FRMD4B: variants seen among roughly 807,000 people sequenced by gnomAD.
The protein encoded by FRMD4B is FERM domain containing 4B.
A neutral mutation model predicts 141.5 loss-of-function variants in FRMD4B; 74 were observed. The observed-to-expected ratio is 0.52, with a 90% CI of 0.43 to 0.63. The LOEUF (loss-of-function observed/expected upper bound fraction) is 0.63. Ranked by LOEUF, FRMD4B falls within the 30% of genes least tolerant of loss-of-function variation. The probability of loss-of-function intolerance (pLI) is 0.00; values close to 1 mark genes in which losing one functional copy is unlikely to be tolerated. For missense variants in FRMD4B, 1,366 were observed against 1,253.4 expected, an observed-to-expected ratio of 1.09 and a Z score of -1.36; for synonymous variants, 506 against 467.9, an observed-to-expected ratio of 1.08 and a Z score of -1.05.
chr3:69,277,786 T>A (rs2093625121), intron 5 of FRMD4B, among the ~76,000 whole-genome samples: 2 of 152,110 alleles, frequency 1.3e-5, no homozygotes, highest in Non-Finnish European at 2.9e-5. Context: ...TGCCTTGGCC[T>A]CCCAAAGTGA....
At chr3:69,267,790 G>A (rs975800230) in intron 5 of FRMD4B, among the ~76,000 whole-genome samples, 2 of 149,124 alleles carry the variant, frequency 1.3e-5, no homozygotes, top group Non-Finnish European at 2.9e-5. Context: ...GCACCACCAT[G>A]CCTGGCTAAT....
chr3:69,185,291 A>G (rs2092753346), intron 19 of FRMD4B, among the ~76,000 whole-genome samples: 1 of 141,084 alleles, frequency 7.1e-6, no homozygotes, highest in African/African-American at 2.7e-5. Flanking sequence ...GCAGAGTGAG[A>G]CTCCGTCTCA....
intron 5 of FRMD4B, among the ~76,000 whole-genome samples, chr3:69,287,429 G>T (rs1700723377): frequency 6.6e-6 from 1 of 152,088 alleles, no homozygotes; most frequent in South Asian, 2.1e-4. Flanking sequence ...AAGATTTCTG[G>T]CCTAGACGTT....
rs533346480 is a variant in FRMD4B at position 69,465,980 on chromosome 3, A to G, written c.-128-33219T>C. ...AGGAATTGCCACACTGTCTTCCACAAATAGTTGAACTAATTTGCATTCCCA... is the reference window on the plus strand; with the variant it reads ...AGGAATTGCCACACTGTCTTCCACAGATAGTTGAACTAATTTGCATTCCCA... On this transcript the variant is annotated intron_variant, in intron 1 of 5. Coordinates refer to the FRMD4B transcript ENST00000459638. 6.6e-5 allele frequency among the ~76,000 whole-genome samples: 10 copies of G among 152,328 alleles called. No individual in the cohort carries two copies. The South Asian group carries it at 2.1e-3, about 32-fold the overall frequency.
chr3:69,184,593 T>C (rs72930208), intron 19 of FRMD4B, among the ~76,000 whole-genome samples: 8,013 of 152,296 alleles, frequency 0.053, 594 homozygotes, highest in East Asian at 0.28. Flanking sequence ...CTAAGTGAAA[T>C]TGCTGGATAA....
intron 1 of FRMD4B, among the ~76,000 whole-genome samples, chr3:69,338,271 T>C (rs113513359): frequency 0.026 from 3,957 of 152,106 alleles, 195 homozygotes; most frequent in African/African-American, 0.091. Flanking sequence ...AACTCATGGA[T>C]GCAGAACGGG....
chr3:69,222,275 G>A (rs1387398804), intron 8 of FRMD4B, among the ~76,000 whole-genome samples: 1 of 151,850 alleles, frequency 6.6e-6, no homozygotes, highest in Non-Finnish European at 1.5e-5. Context: ...AGACCATTCT[G>A]GCTAACACAG....
chr3:69,188,026 G>A (rs2092789103), intron 18 of FRMD4B, 109 bp from the exon 19 acceptor site: 1 of 659,178 alleles, frequency 1.5e-6, no homozygotes, highest in African/African-American at 1.9e-5. Flanking sequence ...TGAACAAAGT[G>A]TTCTTCCAAA....
chr3:69,450,786 C>T (rs1345426406), intron 1 of FRMD4B, among the ~76,000 whole-genome samples: 2 of 67,674 alleles, frequency 3.0e-5, no homozygotes, highest in Non-Finnish European at 3.1e-5. Context: ...AAAACCCCAA[C>T]AACAAAACAA....
rs186662161 is a variant in FRMD4B at position 69,532,044 on chromosome 3, A to G, written c.-129+10162T>C. 4.8e-3 allele frequency among the ~76,000 whole-genome samples: 732 copies of G among 152,314 alleles called. 5 individuals carry two copies. The highest frequency in any genetic ancestry group is 8.2e-3 in the Non-Finnish European group (556 of 68,034). On this transcript the variant is annotated intron_variant, in intron 1 of 5. Transcript: ENST00000459638. The stretch of plus-strand genomic sequence containing the variant: ...AGCAAATGACCATGATATGTCCTCA[A>G]TTTAAGTCTTACAGCCCAACTGGGA...
chr3:69,224,640 T>A lies in FRMD4B; in HGVS notation c.632A>T (p.Lys211Ile). Reference protein sequence around the residue: ...DLKTLPAFPTKTLQEHPSLAY... With the variant: ...DLKTLPAFPTITLQEHPSLAY... ...AAGGGATGGATGCTCCTGAAGAGTT[T>A]TGGTTGGAAAGGCTGGTAATGTCTT... Residue 211 changes from lysine to isoleucine, a missense_variant, in exon 8 of 23, where the codon AAA becomes ATA. Lys to Ile is a moderately radical substitution (Grantham distance 102). Coordinates refer to ENST00000398540, the MANE Select transcript of FRMD4B (RefSeq NM_015123.3). The A allele has an allele frequency of 1.9e-6, 3 of 1,588,092 alleles. No homozygotes were observed. Among genetic ancestry groups the A allele is most frequent in the Non-Finnish European group, 2.6e-6 (3 of 1,161,402 alleles).
At chr3:69,274,867 A>T (rs764424511) in intron 5 of FRMD4B, among the ~76,000 whole-genome samples, 9 of 152,172 alleles carry the variant, frequency 5.9e-5, no homozygotes, top group South Asian at 2.1e-4. Context: ...CCATTCAATA[A>T]CGTTTTATCT....
At position 69,267,366 on chromosome 3, in the gene FRMD4B, G is replaced by C. The variant is rs1294767668; in HGVS notation, c.502-17267C>G. ...AATGTGTGACCCTGAATTGGCTCTA[G>C]GACCAGAAAAGGGTGGGAAAGACTA... On this transcript the variant is annotated intron_variant, in intron 5 of 22. Coordinates refer to ENST00000398540, the MANE Select transcript of FRMD4B (RefSeq NM_015123.3). Among the ~76,000 whole-genome samples, 4 of 152,060 alleles carry C rather than the reference G, an allele frequency of 2.6e-5. No homozygotes were observed. The East Asian group carries it at 7.7e-4, about 29-fold the overall frequency.
intron 2 of FRMD4B, among the ~76,000 whole-genome samples, chr3:69,418,772 G>A (rs1041453594): frequency 6.6e-6 from 1 of 152,052 alleles, no homozygotes; most frequent in Non-Finnish European, 1.5e-5. Flanking sequence ...GTAAGAAACT[G>A]AGCAGAGGAC....
chr3:69,282,103 A>G (rs1306125796), intron 5 of FRMD4B, among the ~76,000 whole-genome samples: 4 of 152,196 alleles, frequency 2.6e-5, no homozygotes, highest in Non-Finnish European at 5.9e-5. Context: ...GCAGAGCTTC[A>G]GCAACTGTAT....
intron 1 of FRMD4B, among the ~76,000 whole-genome samples, chr3:69,517,446 AT>A (rs1700781336): frequency 1.3e-5 from 2 of 148,864 alleles, no homozygotes; most frequent in Non-Finnish European, 3.0e-5. Flanking sequence ...AGAAAAAAAA[AT>A]TTTAACTGAA....
At chr3:69,541,925 C>A (rs564559747) in intron 1 of FRMD4B, among the ~76,000 whole-genome samples, 1 of 151,430 alleles carries the variant, frequency 6.6e-6, no homozygotes, top group South Asian at 2.1e-4. Flanking sequence ...GCAAACCCCA[C>A]CAACGCCAAC....
intron 1 of FRMD4B, among the ~76,000 whole-genome samples, chr3:69,523,537 A>G (rs918708983): frequency 2.0e-5 from 3 of 152,140 alleles, no homozygotes; most frequent in African/African-American, 4.8e-5. Context: ...AGCTCCGGTC[A>G]TGGTATCTGT....
At chr3:69,255,964 G>T (rs1357588404) in intron 5 of FRMD4B, among the ~76,000 whole-genome samples, 1 of 152,098 alleles carries the variant, frequency 6.6e-6, no homozygotes, top group African/African-American at 2.4e-5. Context: ...GGGTGCTCTG[G>T]CTTGCACCTG....
Sources: allele counts gnomAD v4.1 joint callset (sites outside exome capture counted in the v4.1 genomes callset), GRCh38; gene constraint gnomAD v4.1.1; transcripts MANE v1.5; gene names NCBI Gene and HGNC (gene_info 2026-07-23, HGNC 2026-07-21).